The following ZFAND3 variants were observed in gnomAD, a reference collection of about 807,000 sequenced individuals.
ZFAND3 encodes AN1-type zinc finger protein 3.
A neutral mutation model predicts 29.6 loss-of-function variants in ZFAND3; 10 were observed. The ratio of observed to expected loss-of-function variants is 0.34; its 90% CI spans 0.21 to 0.57. The LOEUF is 0.57. ZFAND3 is among the 20% of genes least tolerant of loss of function. The pLI, the probability that ZFAND3 is intolerant of heterozygous loss-of-function variation, is 0.86. For synonymous variants in ZFAND3, 128 were observed against 112.6 expected (o/e 1.14, Z -0.87); for missense variants, 230 against 304.5 (o/e 0.76, Z 1.82).
chr6:38,005,771 A>G (rs536668709), intron 2 of ZFAND3, among the ~76,000 whole-genome samples: 83 of 152,180 alleles, frequency 5.5e-4, no homozygotes, highest in Non-Finnish European at 1.1e-3. Flanking sequence ...TATTGAAAAC[A>G]TTACTATGTT....
At chr6:37,824,004 G>A (rs1013188077) in intron 1 of ZFAND3, among the ~76,000 whole-genome samples, 17 of 152,182 alleles carry the variant, frequency 1.1e-4, no homozygotes, top group Admixed American at 3.3e-4. Flanking sequence ...TCGAACTCCC[G>A]ACCTCAGGTG....
At chr6:38,026,994 G>A (rs1763463820) in intron 2 of ZFAND3, among the ~76,000 whole-genome samples, 2 of 152,006 alleles carry the variant, frequency 1.3e-5, no homozygotes, top group Non-Finnish European at 2.9e-5. Context: ...TTTTGGTGGG[G>A]GGAGGGCGGA....
intron 2 of ZFAND3, among the ~76,000 whole-genome samples, chr6:37,941,950 C>T (rs1174515781): frequency 6.6e-6 from 1 of 152,150 alleles, no homozygotes; most frequent in East Asian, 1.9e-4. Context: ...GTGATTTGTT[C>T]CCCAGCTTCC....
At position 37,930,014 on chromosome 6, in the gene ZFAND3, A is replaced by C; in HGVS notation, c.112+15A>C. On this transcript the variant is annotated intron_variant, in intron 2 of 5. Coordinates refer to ENST00000287218, the MANE Select transcript of ZFAND3 (RefSeq NM_021943.3). ...ATGCTTTGCTGGTAAGTGCAGAAAA[A>C]GGGTTTTTTAATTTACTTTCATTTT... 5.7e-6 allele frequency: 9 copies of C among 1,566,716 alleles called. No individual in the cohort carries two copies. The highest frequency in any genetic ancestry group is 6.9e-6 in the Non-Finnish European group (8 of 1,159,208).
intron 5 of ZFAND3, among the ~76,000 whole-genome samples, chr6:38,130,719 T>C (rs770298392): frequency 1.2e-4 from 18 of 152,228 alleles, no homozygotes; most frequent in Non-Finnish European, 2.4e-4. Context: ...TTAGCTAGTA[T>C]TTTGTTAAGG....
At chr6:38,089,958 G>A (rs1174556138) in intron 4 of ZFAND3, among the ~76,000 whole-genome samples, 1 of 152,100 alleles carries the variant, frequency 6.6e-6, no homozygotes, top group Admixed American at 6.5e-5. Flanking sequence ...GGTTCAAGCA[G>A]TTCTCCTGCC....
chr6:37,962,348 A>G (rs142968619), intron 2 of ZFAND3, among the ~76,000 whole-genome samples: 1 of 152,334 alleles, frequency 6.6e-6, no homozygotes, highest in East Asian at 1.9e-4. Flanking sequence ...TACAGGATCT[A>G]GAGAATAGCT....
intron 1 of ZFAND3, among the ~76,000 whole-genome samples, chr6:37,859,862 G>GTTTTTTTTTTTT (rs55850662): frequency 2.3e-5 from 3 of 133,310 alleles, no homozygotes; most frequent in Non-Finnish European, 4.7e-5. Context: ...GCTGGAGTGG[G>GTTTTTTTTTTTT]TTTTTTTTTT....
At chr6:37,846,540 A>G (rs1029567229) in intron 1 of ZFAND3, among the ~76,000 whole-genome samples, 17 of 152,134 alleles carry the variant, frequency 1.1e-4, no homozygotes, top group African/African-American at 3.9e-4. Context: ...CCTTTCACAT[A>G]AGTTGAATTG....
intron 2 of ZFAND3, among the ~76,000 whole-genome samples, chr6:37,989,747 CA>C (rs1246250672): frequency 2.0e-5 from 3 of 152,132 alleles, no homozygotes; most frequent in Non-Finnish European, 4.4e-5. Flanking sequence ...GCCAAGAAGC[CA>C]GTGTTGGCTG....
chr6:37,836,760 T>C (rs938376636), intron 1 of ZFAND3, among the ~76,000 whole-genome samples: 1 of 152,212 alleles, frequency 6.6e-6, no homozygotes, highest in Non-Finnish European at 1.5e-5. Context: ...CTATTAACAC[T>C]TCCAATAATA....
chr6:38,052,122 T>C (rs1764039049), intron 2 of ZFAND3, among the ~76,000 whole-genome samples: 1 of 152,234 alleles, frequency 6.6e-6, no homozygotes, highest in Non-Finnish European at 1.5e-5. Context: ...CAGCTTCATA[T>C]ATTCTCTTGT....
intron 4 of ZFAND3, among the ~76,000 whole-genome samples, chr6:38,090,043 G>A (rs903733669): frequency 1.3e-5 from 2 of 152,092 alleles, no homozygotes; most frequent in African/African-American, 4.8e-5. Flanking sequence ...GGTAGTGACG[G>A]GGTTTCACCA....
intron 1 of ZFAND3, among the ~76,000 whole-genome samples, chr6:37,844,243 T>C (rs1165607143): frequency 1.3e-5 from 2 of 151,666 alleles, no homozygotes; most frequent in Non-Finnish European, 2.9e-5. Context: ...TGATTCTTTG[T>C]CTGTCTGTCT....
At chr6:38,065,053 T>C (rs1285353497) in intron 3 of ZFAND3, among the ~76,000 whole-genome samples, 1 of 152,140 alleles carries the variant, frequency 6.6e-6, no homozygotes, top group African/African-American at 2.4e-5. Context: ...GGCACATGGC[T>C]CACGCCTGTA....
chr6:38,013,451 G>A (rs1034352805), intron 2 of ZFAND3, among the ~76,000 whole-genome samples: 18 of 152,096 alleles, frequency 1.2e-4, no homozygotes, highest in African/African-American at 3.4e-4. Flanking sequence ...ACATACTGCC[G>A]TCTGTTGTAG....
At chr6:37,869,906 T>G (rs1472532566) in intron 1 of ZFAND3, among the ~76,000 whole-genome samples, 1 of 152,126 alleles carries the variant, frequency 6.6e-6, no homozygotes, top group Non-Finnish European at 1.5e-5. Context: ...GCTTTTATTT[T>G]TCTTTCTTTC....
At chr6:37,836,551 TAGA>T (rs2127371218) in intron 1 of ZFAND3, among the ~76,000 whole-genome samples, 1 of 152,306 alleles carries the variant, frequency 6.6e-6, no homozygotes, top group South Asian at 2.1e-4. Flanking sequence ...TTGAAGGTCC[TAGA>T]AGAACTTGAG....
intron 1 of ZFAND3, among the ~76,000 whole-genome samples, chr6:37,904,202 G>A (rs572649144): frequency 2.0e-5 from 3 of 152,290 alleles, no homozygotes; most frequent in South Asian, 2.1e-4. Context: ...CTATGTGGGT[G>A]TATACAGTTT....
Sources: gnomAD v4.1 joint callset for allele counts (sites outside exome capture counted in the v4.1 genomes callset) on GRCh38, gnomAD v4.1.1 for gene constraint, MANE v1.5 for transcripts, NCBI Gene and HGNC (gene_info 2026-07-23, HGNC 2026-07-21) for gene names.